Variants in MOCS1 observed in about 807,000 individuals in gnomAD.
MOCS1 encodes the protein molybdenum cofactor biosynthesis protein 1.
In MOCS1, 39 loss-of-function variants were observed where a neutral mutation model predicts 57.6. That is an observed-to-expected ratio of 0.68 (90% CI 0.52 to 0.88). The LOEUF (loss-of-function observed/expected upper bound fraction) is 0.88. MOCS1 is among the 40% of genes least tolerant of loss of function. MOCS1 has a pLI of 0.00. For synonymous variants in MOCS1, 334 were observed against 335.7 expected, an observed-to-expected ratio of 1.00 and a Z score of 0.05; for missense variants, 795 against 831.1, an observed-to-expected ratio of 0.96 and a Z score of 0.53.
chr6:39,910,050 G>T (rs775320622), intron 8 of MOCS1, 95 bp from the exon 9 acceptor site: 44 of 1,578,650 alleles, frequency 2.8e-5, no homozygotes, highest in Non-Finnish European at 3.8e-5. Context: ...CTCCCTCCGG[G>T]AGGAGCACCA....
chr6:39,917,787 A>G (rs1310175967), intron 3 of MOCS1, among the ~76,000 whole-genome samples: 1 of 152,252 alleles, frequency 6.6e-6, no homozygotes, highest in Non-Finnish European at 1.5e-5. Flanking sequence ...TAAACCAAGA[A>G]AAAACCCTAA....
intron 2 of MOCS1, among the ~76,000 whole-genome samples, chr6:39,926,909 G>A (rs1281471263): frequency 3.3e-5 from 5 of 150,528 alleles, no homozygotes; most frequent in African/African-American, 1.2e-4. Context: ...GATTTGTCAC[G>A]GGACTGGGGC....
rs1387122378 is a variant in MOCS1 at position 39,912,974 on chromosome 6, C to A, written c.788G>T (p.Ser263Ile). ...GNKWNFKKMV[S>I]YKEMLDTVRQ... ...GACAGTGTCTAGCATCTCCTTATAG[C>A]TGACCATCTTCTTGAAGTTCCACTT... Residue 263 changes from serine (S) to isoleucine (I), a missense_variant, in exon 7 of 11, where the codon AGC becomes ATC. Transcript: ENST00000340692. 12 of 1,614,074 alleles carry A rather than the reference C, an allele frequency of 7.4e-6. No homozygotes were observed. Among genetic ancestry groups the A allele is most frequent in the Non-Finnish European group, 1.0e-5 (12 of 1,180,044 alleles).
rs1767383876 is a variant in MOCS1, at chr6:39,912,333, G to T, written c.912C>A (p.Ile304=). The T allele has an allele frequency of 6.2e-7, 1 of 1,614,028 alleles. No individual in the cohort carries two copies. The highest frequency in any genetic ancestry group is 1.3e-5 in the African/African-American group (1 of 74,936). The stretch of plus-strand genomic sequence containing the variant: ...CACAGAAATGCTCAGACATGGATGT[G>T]ATGAAGCTGATCTGGCCTTGGAAGC... ...IPGFQGQISF[I]TSMSEHFCGT... is the part of the protein sequence containing the mutation. Residue 304 remains isoleucine, a synonymous_variant, in exon 8 of 11, where the codon ATC becomes ATA. Coordinates refer to ENST00000340692, the MANE Select transcript of MOCS1 (RefSeq NM_001358530.2).
intron 5 of MOCS1, 143 bp downstream of exon 5, chr6:39,913,631 G>T: frequency 9.4e-7 from 1 of 1,064,878 alleles, no homozygotes; most frequent in Non-Finnish European, 1.5e-6. Flanking sequence ...TGGACCAGCA[G>T]GGAGAGAAGA....
chr6:39,918,062 GTATT>G (rs978311742), intron 3 of MOCS1, among the ~76,000 whole-genome samples: 1 of 152,164 alleles, frequency 6.6e-6, no homozygotes, highest in African/African-American at 2.4e-5. Flanking sequence ...GGTGATTTTT[GTATT>G]TATTTATAGG....
Position 39,906,706 on chromosome 6 carries a change from A to G in MOCS1, c.1562T>C (p.Leu521Pro). 6.2e-7 allele frequency: 1 copy of G among 1,614,190 alleles called. No homozygotes were observed. The highest frequency in any genetic ancestry group is 2.2e-5 in the East Asian group (1 of 44,876). ...VVLLGPVAFK[L>P]VQQNQLKKGD... ...TTTCTTGAGCTGGTTCTGCTGGACA[A>G]GCTTGAAGGCTACCGGTCCCAGGAG... is the stretch of plus-strand genomic sequence containing the variant. Residue 521 changes from leucine to proline, a missense_variant, in exon 11 of 11, where the codon CTT (leucine) becomes CCT (proline). Physicochemically the swap from Leu to Pro is moderately conservative, Grantham distance 98 (BLOSUM62 -3). Around this residue, in one of 3 missense-constraint regions of MOCS1, gnomAD observed 374 missense variants for 422.6 expected, o/e 0.89. Transcript: ENST00000340692.
chr6:39,927,387 G>T lies in MOCS1; in HGVS notation c.192C>A (p.Ser64Arg). 6.2e-7 allele frequency: 1 copy of T among 1,612,792 alleles called. No individual in the cohort carries two copies. The highest frequency in any genetic ancestry group is 8.5e-7 in the Non-Finnish European group (1 of 1,179,876). The change falls in exon 2 of 11, where the codon AGC becomes AGA. Residue 64 changes from serine to arginine, a missense_variant. Ser to Arg is a moderately radical substitution (Grantham distance 110). This residue lies in a region of MOCS1 where 416 missense variants were observed against 392.4 expected (regional missense o/e 1.06). Coordinates refer to ENST00000340692, the MANE Select transcript of MOCS1 (RefSeq NM_001358530.2). ...AAPFSAFLTDSFGRQHSYLRI... is the reference protein window; with the variant it reads ...AAPFSAFLTDRFGRQHSYLRI... ...GCAGGTAGCTGTGCTGCCGGCCGAAGCTGTCTGTGAGGAAGGCGGAGAAGG... is the reference window on the plus strand; with the variant it reads ...GCAGGTAGCTGTGCTGCCGGCCGAATCTGTCTGTGAGGAAGGCGGAGAAGG...
At chr6:39,920,440 T>C (rs1767901111) in intron 3 of MOCS1, among the ~76,000 whole-genome samples, 2 of 152,172 alleles carry the variant, frequency 1.3e-5, no homozygotes, top group South Asian at 4.1e-4. Flanking sequence ...TACCAAGATA[T>C]GTTAATGAAA....
chr6:39,934,268 C>T (rs1295503111), intron 1 of MOCS1, 27 bp downstream of exon 1: 1 of 1,528,306 alleles, frequency 6.5e-7, no homozygotes, highest in Non-Finnish European at 8.7e-7. Context: ...CCCCGGGAAG[C>T]TGTGGACGCA....
In MOCS1 at chr6:39,925,921, A is replaced by C. The variant is rs1036402392; in HGVS notation, c.251-76T>G. ...AGCCCCGTGATGCCTCCACTCCCCA[A>C]CTCTCCATCAGGCCAAAGGCTTCTC... is the stretch of plus-strand genomic sequence containing the variant. On this transcript the variant is annotated intron_variant, in intron 2 of 10. Transcript: ENST00000340692. 4.7e-6 allele frequency: 7 copies of C among 1,475,744 alleles called. No homozygotes were observed. In the African/African-American group the frequency reaches 9.7e-5, roughly 20 times the overall value. 91.4% of individuals were successfully genotyped at this position (1,475,744 alleles called of 1,614,324 possible). A position where few individuals can be genotyped will look rare whatever the true frequency, so the allele number is the denominator to read the frequency against.
rs747449666 is a variant in MOCS1 at position 39,904,964 on chromosome 6, A to ATTGT, written c.*1389_*1392dup. On this transcript the variant is annotated 3_prime_UTR_variant, in exon 11 of 11. Transcript: ENST00000340692. ...GCTTGTACCAGCTCTGTGAGAACCA[A>ATTGT]TTGTTTACATTTTCAGAAATTTTGC... 6 of 453,724 alleles carry ATTGT rather than the reference A, an allele frequency of 1.3e-5. No homozygotes were observed. The highest frequency in any genetic ancestry group is 8.0e-5 in the African/African-American group (4 of 49,728). 28.1% of individuals were successfully genotyped at this position (453,724 alleles called of 1,614,324 possible).
chr6:39,929,861 G>C (rs1768551881), intron 1 of MOCS1, among the ~76,000 whole-genome samples: 1 of 144,230 alleles, frequency 6.9e-6, no homozygotes, highest in African/African-American at 2.6e-5. Context: ...AGAATCGCTT[G>C]AACCCAGAAG....
intron 1 of MOCS1, among the ~76,000 whole-genome samples, chr6:39,927,963 G>A (rs1295861833): frequency 1.3e-5 from 2 of 152,128 alleles, no homozygotes; most frequent in Non-Finnish European, 2.9e-5. Flanking sequence ...TCCTTGGAGA[G>A]TACAACCTGG....
chr6:39,905,579 A>T lies in MOCS1; in HGVS notation c.*778T>A. ...GCTGTGAGGGTGAAGGCAATCTATC[A>T]TCAACTTTTCTTTCCCTGATATGCT... On this transcript the variant is annotated 3_prime_UTR_variant, in exon 11 of 11. Transcript: ENST00000340692. 3 of 471,204 alleles carry T rather than the reference A, an allele frequency of 6.4e-6. No homozygotes were observed. Among genetic ancestry groups the T allele is most frequent in the Non-Finnish European group, 1.3e-5 (3 of 227,076 alleles). 29.2% of individuals were successfully genotyped at this position (471,204 alleles called of 1,614,324 possible). A position where few individuals can be genotyped will look rare whatever the true frequency, so the allele number is the denominator to read the frequency against.
At chr6:39,933,115 G>A (rs1768725051) in intron 1 of MOCS1, among the ~76,000 whole-genome samples, 1 of 152,112 alleles carries the variant, frequency 6.6e-6, no homozygotes, top group South Asian at 2.1e-4. Context: ...ACTTAGATTA[G>A]CCCCCTCATC....
chr6:39,909,911 C>T lies in MOCS1; in HGVS notation c.1026G>A (p.Leu342=), dbSNP rs1767221047. Residue 342 remains leucine (L), a synonymous_variant, in exon 9 of 11, where the codon CTG becomes CTA. Transcript: ENST00000340692. ...GCTCCTGCTCAGAGGCCCCAGCTCG[C>T]AGGTGATCCCGCAGGGATACCTCAG... is the stretch of plus-strand genomic sequence containing the variant. ...GNSEVSLRDH[L]RAGASEQELL... The T allele has an allele frequency of 6.2e-7, 1 of 1,613,766 alleles. No individual in the cohort carries two copies. The highest frequency in any genetic ancestry group is 1.1e-5 in the South Asian group (1 of 91,092).
At chr6:39,908,986 G>A (rs1204670873) in intron 10 of MOCS1, 69 bp downstream of exon 10, 2 of 1,356,686 alleles carry the variant, frequency 1.5e-6, no homozygotes, top group East Asian at 4.6e-5. Context: ...GGTGCCTATG[G>A]CACGGCTCCC....
chr6:39,914,244 T>G (rs1267254489), intron 4 of MOCS1, among the ~76,000 whole-genome samples: 1 of 152,222 alleles, frequency 6.6e-6, no homozygotes, highest in Non-Finnish European at 1.5e-5. Flanking sequence ...GGGGGCTAGA[T>G]GTGGCCTGTG....
Sources: allele counts gnomAD v4.1 joint callset (sites outside exome capture counted in the v4.1 genomes callset), GRCh38; gene constraint gnomAD v4.1.1; regional missense constraint gnomAD v4.1.1; transcripts MANE v1.5; gene names NCBI Gene and HGNC (gene_info 2026-07-23, HGNC 2026-07-21).